The following BCL2 variants were observed in gnomAD, a reference collection of about 807,000 sequenced individuals.
The protein encoded by BCL2 is BCL2 apoptosis regulator.
In BCL2, 1 loss-of-function variant was observed where a neutral mutation model predicts 14.2. The observed-to-expected ratio is 0.07, with a 90% CI of 0.02 to 0.33. The LOEUF is 0.33. Ranked by LOEUF, BCL2 falls within the 10% of genes least tolerant of loss-of-function variation. BCL2 has a pLI of 0.99. For synonymous variants in BCL2, 151 were observed against 137.2 expected (o/e 1.10, Z -0.70); for missense variants, 247 against 305.9 (o/e 0.81, Z 1.44).
chr18:63,317,165 C>A, intron 2 of BCL2: 1 of 152,172 alleles, frequency 6.6e-6, no homozygotes, highest in East Asian at 1.9e-4. Context: ...TCAATCACTT[C>A]AACTAAAGTA....
chr18:63,238,269 G>A (rs1447706811), intron 2 of BCL2, among the ~76,000 whole-genome samples: 1 of 152,198 alleles, frequency 6.6e-6, no homozygotes, highest in Non-Finnish European at 1.5e-5. Context: ...CCTGTGAACG[G>A]CATCCCAGGA....
At chr18:63,150,153 G>A (rs145433446) in intron 2 of BCL2, among the ~76,000 whole-genome samples, 7,758 of 152,298 alleles carry the variant, frequency 0.051, 306 homozygotes, top group Non-Finnish European at 0.077. Context: ...ATAGTGCTGG[G>A]ATTACAGGCG....
intron 2 of BCL2, among the ~76,000 whole-genome samples, chr18:63,289,711 T>A (rs1270001985): frequency 6.6e-6 from 1 of 152,042 alleles, no homozygotes; most frequent in South Asian, 2.1e-4. Flanking sequence ...CTGGCCAACA[T>A]GGTGAAACCC....
At chr18:63,252,188 C>T in intron 2 of BCL2, among the ~76,000 whole-genome samples, 1 of 152,088 alleles carries the variant, frequency 6.6e-6, no homozygotes. Context: ...TCTTCATTCA[C>T]AAAGATTATT....
intron 2 of BCL2, among the ~76,000 whole-genome samples, chr18:63,153,943 A>T (rs2144611006): frequency 6.6e-6 from 1 of 152,328 alleles, no homozygotes; most frequent in East Asian, 1.9e-4. Flanking sequence ...CATAGTACAG[A>T]AAGGATTAAG....
chr18:63,207,351 A>G (rs1305633017), intron 2 of BCL2, among the ~76,000 whole-genome samples: 2 of 152,258 alleles, frequency 1.3e-5, no homozygotes, highest in African/African-American at 4.8e-5. Flanking sequence ...TAAATGCTTC[A>G]TAAGTGTTTG....
chr18:63,156,443 T>C (rs1048516376), intron 2 of BCL2, among the ~76,000 whole-genome samples: 9 of 152,156 alleles, frequency 5.9e-5, no homozygotes, highest in Admixed American at 4.6e-4. Context: ...CCTTGTCTAG[T>C]GTGAAAACCC....
chr18:63,213,559 C>T (rs958013263), intron 2 of BCL2, among the ~76,000 whole-genome samples: 5 of 151,380 alleles, frequency 3.3e-5, no homozygotes, highest in African/African-American at 1.2e-4. Flanking sequence ...CACACACACA[C>T]ACACACACAC....
chr18:63,169,303 TCTTTCTTCCTTCCTTCCTTCTTTCCTTTC>T (rs1915141413), intron 2 of BCL2, among the ~76,000 whole-genome samples: 1 of 76,586 alleles, frequency 1.3e-5, no homozygotes, highest in African/African-American at 6.4e-5. Flanking sequence ...TTTCTTTCTT[TCTTTCTTCCTTCCTTCCTTCTTTCCTTTC>T]CTTCCTTTCT....
intron 2 of BCL2, among the ~76,000 whole-genome samples, chr18:63,225,824 GCCTGCAAC>G (rs995742729): frequency 6.6e-6 from 1 of 152,198 alleles, no homozygotes; most frequent in Admixed American, 6.5e-5. Flanking sequence ...CTGGAGCAGT[GCCTGCAAC>G]CCCTGAAGCC....
chr18:63,222,288 A>AG (rs902445963), intron 2 of BCL2, among the ~76,000 whole-genome samples: 1 of 150,100 alleles, frequency 6.7e-6, no homozygotes, highest in African/African-American at 2.4e-5. Context: ...AAAAAAAAAA[A>AG]GAAAAAGAAA....
At chr18:63,159,912 G>A (rs1468420999) in intron 2 of BCL2, among the ~76,000 whole-genome samples, 2 of 152,194 alleles carry the variant, frequency 1.3e-5, no homozygotes, top group African/African-American at 4.8e-5. Flanking sequence ...GTTTTCAGCG[G>A]GGTCATTTAC....
chr18:63,223,735 G>C (rs932521447), intron 2 of BCL2, among the ~76,000 whole-genome samples: 1 of 152,246 alleles, frequency 6.6e-6, no homozygotes, highest in Non-Finnish European at 1.5e-5. Context: ...GGAGACTTTA[G>C]GAGTTGTTAG....
rs1459695492 is a variant in BCL2, at chr18:63,278,890, T to C, written c.585+39192A>G. Among the ~76,000 whole-genome samples, 3 of 152,172 alleles carry C rather than the reference T, an allele frequency of 2.0e-5. No individual in the cohort carries two copies. In the East Asian group the frequency reaches 5.8e-4, roughly 29 times the overall value. Reference sequence around the variant, plus strand: ...AGACTCATAAACAGACCCACACATATACAGACACCTAAGTTTTGAAAAACC... The same window carrying C: ...AGACTCATAAACAGACCCACACATACACAGACACCTAAGTTTTGAAAAACC... On this transcript the variant is annotated intron_variant, in intron 2 of 2. Transcript: ENST00000333681.
intron 2 of BCL2, among the ~76,000 whole-genome samples, chr18:63,174,820 CAAAAAAAAAAA>C (rs953107518): frequency 6.9e-5 from 5 of 72,284 alleles, no homozygotes; most frequent in Non-Finnish European, 1.5e-4. Flanking sequence ...GACTTTGTCT[CAAAAAAAAAAA>C]AAAAAAAAAG....
chr18:63,181,475 G>A (rs941192486), intron 2 of BCL2, among the ~76,000 whole-genome samples: 1 of 152,184 alleles, frequency 6.6e-6, no homozygotes, highest in African/African-American at 2.4e-5. Flanking sequence ...CACCCAGGGC[G>A]CTTGGGAAAA....
Position 63,301,192 on chromosome 18 carries a change from T to C in BCL2, c.585+16890A>G, listed in dbSNP as rs187826012. Among the ~76,000 whole-genome samples the C allele has an allele frequency of 4.4e-3, 672 of 152,158 alleles. 20 individuals carry two copies. The highest frequency in any genetic ancestry group is 0.04 in the Admixed American group (604 of 15,288). On this transcript the variant is annotated intron_variant, in intron 2 of 2. Coordinates refer to ENST00000333681, the MANE Select transcript of BCL2 (RefSeq NM_000633.3). ...GAGTCAAATTTATAGAGACAGAAAA[T>C]AGAATAGTGGCTACCTAGGACTGGG... is the stretch of plus-strand genomic sequence containing the variant.
intron 2 of BCL2, among the ~76,000 whole-genome samples, chr18:63,249,763 C>T (rs1911254247): frequency 1.4e-5 from 2 of 139,150 alleles, no homozygotes; most frequent in East Asian, 4.2e-4. Flanking sequence ...GAGGAGTTAA[C>T]CAAGACCCCC....
chr18:63,225,642 G>A (rs1337219967), intron 2 of BCL2, among the ~76,000 whole-genome samples: 2 of 152,188 alleles, frequency 1.3e-5, no homozygotes, highest in African/African-American at 2.4e-5. Context: ...GTGCATGGGC[G>A]CTGGAACTTG....
Sources: allele counts gnomAD v4.1 joint callset (sites outside exome capture counted in the v4.1 genomes callset), GRCh38; gene constraint gnomAD v4.1.1; transcripts MANE v1.5; gene names NCBI Gene and HGNC (gene_info 2026-07-23, HGNC 2026-07-21).